The following EPHB1 variants were observed in gnomAD, a reference collection of about 807,000 sequenced individuals.
EPHB1 encodes ephrin type-B receptor 1.
EPHB1 carries 30 observed loss-of-function variants against 94.4 expected under a neutral mutation model. The observed-to-expected ratio is 0.32, with a 90% CI of 0.24 to 0.43. EPHB1 has a LOEUF of 0.43. Ranked by LOEUF, EPHB1 falls within the 20% of genes least tolerant of loss-of-function variation. EPHB1 has a pLI of 1.00. For missense variants in EPHB1, 1,055 were observed against 1,308.3 expected (o/e 0.81, Z 2.99); for synonymous variants, 522 against 489.1 (o/e 1.07, Z -0.89).
At chr3:134,959,966 C>CGTT (rs1933441222) in intron 3 of EPHB1, among the ~76,000 whole-genome samples, 1 of 107,378 alleles carries the variant, frequency 9.3e-6, no homozygotes, top group South Asian at 3.1e-4. Flanking sequence ...ACATCTGCAC[C>CGTT]TTTTTTTTTT....
intron 1 of EPHB1, among the ~76,000 whole-genome samples, chr3:134,826,129 G>A (rs1244226889): frequency 3.3e-5 from 5 of 150,910 alleles, no homozygotes; most frequent in Non-Finnish European, 7.4e-5. Context: ...AAGCATACCT[G>A]TAATCCCAGC....
At chr3:134,798,805 T>C (rs931658971) in intron 1 of EPHB1, among the ~76,000 whole-genome samples, 11 of 152,208 alleles carry the variant, frequency 7.2e-5, no homozygotes, top group African/African-American at 2.4e-4. Flanking sequence ...CCCTTTGGGA[T>C]AGGATCTGGA....
chr3:135,085,624 G>T (rs1426453995), intron 3 of EPHB1, among the ~76,000 whole-genome samples: 2 of 152,200 alleles, frequency 1.3e-5, no homozygotes, highest in East Asian at 3.9e-4. Context: ...TTTGATGCGG[G>T]TGTCTCTTCT....
chr3:135,118,898 A>C (rs1005534359), intron 4 of EPHB1, among the ~76,000 whole-genome samples: 1 of 152,206 alleles, frequency 6.6e-6, no homozygotes, highest in African/African-American at 2.4e-5. Context: ...TTTGTGGAGG[A>C]AATTCACCTA....
At chr3:134,939,611 T>C (rs1431324500) in intron 2 of EPHB1, among the ~76,000 whole-genome samples, 1 of 152,212 alleles carries the variant, frequency 6.6e-6, no homozygotes, top group Non-Finnish European at 1.5e-5. Flanking sequence ...TCCAAGCTTT[T>C]TCAGGCTTAG....
At chr3:135,028,742 T>C (rs1172231870) in intron 3 of EPHB1, among the ~76,000 whole-genome samples, 7 of 84,826 alleles carry the variant, frequency 8.3e-5, no homozygotes, top group East Asian at 3.2e-4. Flanking sequence ...CTATTAGGTC[T>C]GCTTGGTGCA....
chr3:135,039,752 C>T (rs917282330), intron 3 of EPHB1, among the ~76,000 whole-genome samples: 2 of 152,222 alleles, frequency 1.3e-5, no homozygotes, highest in Non-Finnish European at 2.9e-5. Context: ...CATGCCCACC[C>T]GGAACTCAAG....
chr3:134,902,130 A>G (rs1399128121), intron 1 of EPHB1, among the ~76,000 whole-genome samples: 1 of 152,098 alleles, frequency 6.6e-6, no homozygotes, highest in African/African-American at 2.4e-5. Flanking sequence ...TGAATTTGGG[A>G]GGTGCAAGAA....
intron 1 of EPHB1, among the ~76,000 whole-genome samples, chr3:134,803,431 A>G (rs1055134450): frequency 2.6e-5 from 4 of 152,182 alleles, no homozygotes; most frequent in Non-Finnish European, 5.9e-5. Context: ...TACGGGGGCC[A>G]TGTAAGCCTG....
intron 12 of EPHB1, among the ~76,000 whole-genome samples, chr3:135,230,468 C>G (rs1198943107): frequency 2.6e-5 from 4 of 152,172 alleles, no homozygotes; most frequent in Non-Finnish European, 4.4e-5. Flanking sequence ...CTCCAGAGCA[C>G]TCACTTCAGG....
At chr3:135,082,865 G>C (rs1374361591) in intron 3 of EPHB1, among the ~76,000 whole-genome samples, 1 of 152,208 alleles carries the variant, frequency 6.6e-6, no homozygotes, top group South Asian at 2.1e-4. Context: ...ACTGGGGGCA[G>C]GGAGCAGTTT....
At chr3:134,967,989 A>C (rs888945707) in intron 3 of EPHB1, among the ~76,000 whole-genome samples, 12 of 152,214 alleles carry the variant, frequency 7.9e-5, no homozygotes, top group Non-Finnish European at 1.5e-4. Context: ...GGCCCTGTCC[A>C]AGGACCTCTC....
rs933335341 is a variant in EPHB1 at position 135,048,348 on chromosome 3, C to A, written c.806-58100C>A. On this transcript the variant is annotated intron_variant, in intron 3 of 15. Coordinates refer to ENST00000398015, the MANE Select transcript of EPHB1 (RefSeq NM_004441.5). ...CCATCACCAACATCATGGCTTACTG[C>A]AGCCTCGACCTCCTGGGCTTGGGTG... Among the ~76,000 whole-genome samples, 3 of 138,348 alleles carry A rather than the reference C, an allele frequency of 2.2e-5. No homozygotes were observed. The Admixed American group carries it at 2.3e-4, about 11-fold the overall frequency. The allele number at this position is 138,348 out of a possible 152,430, so 90.8% of individuals were successfully genotyped here.
intron 1 of EPHB1, among the ~76,000 whole-genome samples, chr3:134,851,508 C>T (rs570603565): frequency 6.6e-6 from 1 of 152,260 alleles, no homozygotes; most frequent in African/African-American, 2.4e-5. Flanking sequence ...TCTGTAGCCA[C>T]CCGTATGCAC....
At chr3:134,967,821 T>G (rs183099320) in intron 3 of EPHB1, among the ~76,000 whole-genome samples, 1 of 152,098 alleles carries the variant, frequency 6.6e-6, no homozygotes, top group Non-Finnish European at 1.5e-5. Context: ...TTTAAGGTGA[T>G]GGATGCACAT....
At chr3:134,953,167 G>A (rs1026542215) in intron 3 of EPHB1, among the ~76,000 whole-genome samples, 3 of 152,194 alleles carry the variant, frequency 2.0e-5, no homozygotes, top group Non-Finnish European at 4.4e-5. Context: ...CCCTGCCTGA[G>A]CACCAGACCA....
intron 4 of EPHB1, among the ~76,000 whole-genome samples, chr3:135,115,449 C>A (rs1174989733): frequency 6.6e-6 from 1 of 152,222 alleles, no homozygotes; most frequent in Non-Finnish European, 1.5e-5. Context: ...CTCTCACCTC[C>A]TCCCCCAGGC....
chr3:134,903,904 C>T (rs1184270042), intron 1 of EPHB1, among the ~76,000 whole-genome samples: 1 of 152,176 alleles, frequency 6.6e-6, no homozygotes, highest in Non-Finnish European at 1.5e-5. Context: ...GATGTGCCCA[C>T]GAAGGAAAAA....
intron 1 of EPHB1, among the ~76,000 whole-genome samples, chr3:134,810,718 G>A (rs942127199): frequency 2.0e-5 from 3 of 152,188 alleles, no homozygotes; most frequent in African/African-American, 2.4e-5. Context: ...TGAAAACTCC[G>A]AATGTTTTGG....
Sources: allele counts gnomAD v4.1 joint callset (sites outside exome capture counted in the v4.1 genomes callset), GRCh38; gene constraint gnomAD v4.1.1; transcripts MANE v1.5; gene names NCBI Gene and HGNC (gene_info 2026-07-23, HGNC 2026-07-21).